Variants in TSPAN11 observed in about 807,000 individuals in gnomAD.
The protein encoded by TSPAN11 is tetraspanin 11, also known as tetraspanin-11.
TSPAN11 carries 29 observed loss-of-function variants against 32.9 expected under a neutral mutation model. The observed-to-expected ratio is 0.88, with a 90% confidence interval of 0.66 to 1.20. TSPAN11 has a LOEUF of 1.20. Among genes scored for constraint, TSPAN11 ranks in the 50% most tolerant of loss-of-function variants. TSPAN11 has a pLI of 0.00. For missense variants in TSPAN11, 283 were observed against 329.1 expected, an observed-to-expected ratio of 0.86 and a Z score of 1.08; for synonymous variants, 140 against 141.3, an observed-to-expected ratio of 0.99 and a Z score of 0.07.
rs1310005692 is a variant in TSPAN11, at chr12:30,979,613, C to T, written c.399C>T (p.Asn133=). 6.2e-7 allele frequency: 1 copy of T among 1,614,212 alleles called. No individual in the cohort carries two copies. Among genetic ancestry groups the T allele is most frequent in the Admixed American group, 1.7e-5 (1 of 60,032 alleles). The change falls in exon 5 of 8, where the codon AAC becomes AAT. Residue 133 remains asparagine, a synonymous_variant. Coordinates refer to ENST00000546076, the MANE Select transcript of TSPAN11 (RefSeq NM_001370302.1). ...KQHLNRTLAE[N]YGQPGATQIT... is the part of the protein sequence containing the mutation. ...ACTTGAACCGGACTCTGGCTGAGAA[C>T]TACGGGCAGCCCGGAGCCACGCAGA...
intron 1 of TSPAN11, among the ~76,000 whole-genome samples, chr12:30,928,541 C>T (rs757872147): frequency 2.6e-4 from 40 of 152,152 alleles, no homozygotes; most frequent in Admixed American, 6.5e-4. Flanking sequence ...TGTCCACCCT[C>T]GGATGTCACC....
chr12:30,989,552 G>A (rs1399121430), intron 7 of TSPAN11, among the ~76,000 whole-genome samples: 1 of 152,172 alleles, frequency 6.6e-6, no homozygotes, highest in African/African-American at 2.4e-5. Context: ...CCTATTGGCA[G>A]AGGGGGATTT....
intron 1 of TSPAN11, among the ~76,000 whole-genome samples, chr12:30,951,800 G>A (rs995859967): frequency 2.6e-5 from 4 of 152,136 alleles, no homozygotes; most frequent in Non-Finnish European, 5.9e-5. Context: ...CTGCCACCCT[G>A]GGCCCCAAAT....
At chr12:30,952,053 A>C (rs368011548) in intron 1 of TSPAN11, among the ~76,000 whole-genome samples, 1 of 152,138 alleles carries the variant, frequency 6.6e-6, no homozygotes, top group East Asian at 1.9e-4. Context: ...TCTTTTCCTT[A>C]AGCCTTGTCT....
chr12:30,956,743 G>A (rs1233632038), intron 2 of TSPAN11, among the ~76,000 whole-genome samples: 2 of 152,124 alleles, frequency 1.3e-5, no homozygotes, highest in Admixed American at 1.3e-4. Flanking sequence ...GCTCCCTACG[G>A]TGCCCATCGC....
chr12:30,963,416 G>A (rs985543841), intron 2 of TSPAN11, among the ~76,000 whole-genome samples: 6 of 152,242 alleles, frequency 3.9e-5, no homozygotes, highest in Non-Finnish European at 8.8e-5. Context: ...AGGGAAGTGC[G>A]GACAGAGGGA....
intron 7 of TSPAN11, among the ~76,000 whole-genome samples, chr12:30,983,526 C>T (rs527278580): frequency 2.0e-5 from 3 of 152,080 alleles, no homozygotes; most frequent in Non-Finnish European, 2.9e-5. Flanking sequence ...GTTGTATGCA[C>T]GTATATGTGT....
intron 2 of TSPAN11, among the ~76,000 whole-genome samples, chr12:30,956,419 A>G (rs1938478624): frequency 6.6e-6 from 1 of 152,098 alleles, no homozygotes; most frequent in Non-Finnish European, 1.5e-5. Flanking sequence ...CACTAAACTT[A>G]TATCACAACC....
intron 5 of TSPAN11, among the ~76,000 whole-genome samples, chr12:30,981,592 C>CG (rs1939094100): frequency 6.6e-6 from 1 of 152,126 alleles, no homozygotes; most frequent in African/African-American, 2.4e-5. Flanking sequence ...TCCTCGACTC[C>CG]GGGGGCCCCT....
chr12:30,987,158 A>AT (rs1206068886), intron 7 of TSPAN11, among the ~76,000 whole-genome samples: 14 of 152,194 alleles, frequency 9.2e-5, no homozygotes, highest in African/African-American at 3.4e-4. Flanking sequence ...GAGTTACATG[A>AT]TAGGGTGCTG....
intron 3 of TSPAN11, among the ~76,000 whole-genome samples, chr12:30,969,545 G>C (rs1407335767): frequency 6.6e-6 from 1 of 152,196 alleles, no homozygotes; most frequent in Non-Finnish European, 1.5e-5. Flanking sequence ...ATCCTGAAGA[G>C]CTGACCGCTC....
chr12:30,929,330 C>A (rs1170598719), intron 1 of TSPAN11, among the ~76,000 whole-genome samples: 1 of 152,104 alleles, frequency 6.6e-6, no homozygotes, highest in Non-Finnish European at 1.5e-5. Context: ...TTCCACAAAC[C>A]ATTTCTGCTT....
intron 1 of TSPAN11, among the ~76,000 whole-genome samples, chr12:30,935,257 G>C (rs1216358181): frequency 6.6e-6 from 1 of 152,110 alleles, no homozygotes; most frequent in Admixed American, 6.5e-5. Context: ...AAGAAGACTG[G>C]GGAAATTATC....
At chr12:30,966,259 T>G (rs1334097992) in intron 3 of TSPAN11, among the ~76,000 whole-genome samples, 1 of 152,048 alleles carries the variant, frequency 6.6e-6, no homozygotes, top group East Asian at 1.9e-4. Flanking sequence ...AGGAGGGGAT[T>G]CCGTTGGTGC....
chr12:31,010,177 A>T, the TSPAN11 span, among the ~76,000 whole-genome samples: 2 of 152,174 alleles, frequency 1.3e-5, no homozygotes, highest in African/African-American at 4.8e-5. Context: ...CACCCTTGTG[A>T]GATGACATCA....
chr12:30,972,998 G>A (rs754410609), intron 3 of TSPAN11, among the ~76,000 whole-genome samples: 15 of 151,986 alleles, frequency 9.9e-5, no homozygotes, highest in East Asian at 1.9e-4. Context: ...TGTCCTTTGC[G>A]GAGGAGCACT....
At chr12:30,973,572 G>A (rs1359431009) in intron 3 of TSPAN11, among the ~76,000 whole-genome samples, 1 of 152,132 alleles carries the variant, frequency 6.6e-6, no homozygotes, top group African/African-American at 2.4e-5. Flanking sequence ...TGAGAAGCAA[G>A]GCCAGCCTGC....
chr12:30,952,742 A>G (rs1481503463), intron 1 of TSPAN11, among the ~76,000 whole-genome samples: 1 of 152,228 alleles, frequency 6.6e-6, no homozygotes, highest in African/African-American at 2.4e-5. Flanking sequence ...CTGGCCCGGC[A>G]TGTGTGTCTT....
intron 3 of TSPAN11, among the ~76,000 whole-genome samples, chr12:30,974,911 C>T (rs756360296): frequency 2.6e-5 from 4 of 152,182 alleles, no homozygotes; most frequent in Admixed American, 6.5e-5. Flanking sequence ...GCAGATGACG[C>T]GCTGCAGGCA....
Sources: gnomAD v4.1 joint callset for allele counts (sites outside exome capture counted in the v4.1 genomes callset) on GRCh38, gnomAD v4.1.1 for gene constraint, MANE v1.5 for transcripts, NCBI Gene and HGNC (gene_info 2026-07-23, HGNC 2026-07-21) for gene names.